The following TECR variants were observed in gnomAD, a reference collection of about 807,000 sequenced individuals.
TECR encodes the protein very-long-chain enoyl-CoA reductase.
A neutral mutation model predicts 50.6 loss-of-function variants in TECR; 19 were observed. The ratio of observed to expected loss-of-function variants is 0.38; its 90% CI spans 0.26 to 0.55. The LOEUF is 0.55. Among genes scored for constraint, TECR ranks in the 20% least tolerant of loss-of-function variants. The pLI, the probability that TECR is intolerant of heterozygous loss-of-function variation, is 0.79. For synonymous variants in TECR, 168 were observed against 163.5 expected, an observed-to-expected ratio of 1.03 and a Z score of -0.21; for missense variants, 313 against 408.3, an observed-to-expected ratio of 0.77 and a Z score of 2.01.
intron 1 of TECR, among the ~76,000 whole-genome samples, chr19:14,556,852 C>T (rs1209599299): frequency 6.6e-6 from 1 of 152,152 alleles, no homozygotes; most frequent in Non-Finnish European, 1.5e-5. Context: ...GCGTCGCAGC[C>T]TCCGCCGCTT....
At chr19:14,542,347 G>GGGTTTTTTTTTTT (rs2073124658) in intron 1 of TECR, among the ~76,000 whole-genome samples, 6 of 43,284 alleles carry the variant, frequency 1.4e-4, no homozygotes, top group African/African-American at 4.9e-4. Flanking sequence ...ATGCCATAGT[G>GGGTTTTTTTTTTT]TTTTTTTTTT....
chr19:14,532,828 G>A (rs1250683533), intron 1 of TECR, among the ~76,000 whole-genome samples: 1 of 152,134 alleles, frequency 6.6e-6, no homozygotes, highest in Non-Finnish European at 1.5e-5. Flanking sequence ...ATATATTTCT[G>A]GCCGGGCGAG....
intron 1 of TECR, among the ~76,000 whole-genome samples, chr19:14,538,556 T>TA (rs2072986781): frequency 1.4e-5 from 2 of 147,420 alleles, no homozygotes; most frequent in African/African-American, 5.0e-5. Flanking sequence ...TTTTTTGAGA[T>TA]AGAGTCTTCC....
At chr19:14,557,155 T>TTATC (rs2073759326) in intron 1 of TECR, among the ~76,000 whole-genome samples, 1 of 151,640 alleles carries the variant, frequency 6.6e-6, no homozygotes, top group South Asian at 2.1e-4. Context: ...ATTTATTTAT[T>TTATC]TTGAGACAGG....
chr19:14,529,611 G>C lies in TECR; in HGVS notation c.-86G>C, dbSNP rs747173264. On this transcript the variant is annotated 5_prime_UTR_variant, in exon 1 of 13. Transcript: ENST00000215567. ...AGAGCCGCGTTTAGTCTATCGCTGC[G>C]GTTGCGAGCGCTGTAGGGAGCCTGT... is the stretch of plus-strand genomic sequence containing the variant. 1 of 1,599,464 alleles carries C rather than the reference G, an allele frequency of 6.3e-7. No individual in the cohort carries two copies. The highest frequency in any genetic ancestry group is 8.6e-7 in the Non-Finnish European group (1 of 1,167,562).
In TECR at chr19:14,564,296, C is replaced by G. The variant is rs760951359; in HGVS notation, c.489+9C>G. ...TGCGCAACATCTTCAAGGTGAGAGC[C>G]CGTCCCCGCCTCACCCCTAAGCCCC... On this transcript the variant is annotated intron_variant, in intron 7 of 12. Transcript: ENST00000215567. 2.5e-6 allele frequency: 4 copies of G among 1,592,640 alleles called. No homozygotes were observed. Among genetic ancestry groups the G allele is most frequent in the Non-Finnish European group, 3.4e-6 (4 of 1,172,260 alleles).
chr19:14,551,394 G>T (rs1038757034), intron 1 of TECR, among the ~76,000 whole-genome samples: 2 of 152,104 alleles, frequency 1.3e-5, no homozygotes, highest in Non-Finnish European at 2.9e-5. Context: ...ATTTTGTGTA[G>T]AGAAGGAGTT....
At chr19:14,529,818 G>C in intron 1 of TECR, 107 bp downstream of exon 1, 1 of 1,533,150 alleles carries the variant, frequency 6.5e-7, no homozygotes, top group Non-Finnish European at 9.0e-7. Flanking sequence ...CGAAGGAAGA[G>C]CCAGACGGCG....
At chr19:14,540,128 C>T (rs1392179569) in intron 1 of TECR, among the ~76,000 whole-genome samples, 4 of 148,274 alleles carry the variant, frequency 2.7e-5, no homozygotes, top group Non-Finnish European at 3.0e-5. Context: ...GGCATGATCT[C>T]GGCTCACTGC....
chr19:14,560,058 C>A (rs1156794381), intron 1 of TECR, among the ~76,000 whole-genome samples: 5 of 152,194 alleles, frequency 3.3e-5, no homozygotes, highest in African/African-American at 1.2e-4. Context: ...CGTCTCCTCT[C>A]CTTGGGCCTC....
rs2073124658 is a variant in TECR, at chr19:14,542,347, G to GGTTTTTTTTT, written c.15+12636_15+12637insGTTTTTTTTT. Among the ~76,000 whole-genome samples, 177 of 43,298 alleles carry GGTTTTTTTTT rather than the reference G, an allele frequency of 4.1e-3. 7 individuals carry two copies. Among genetic ancestry groups the GGTTTTTTTTT allele is most frequent in the African/African-American group, 0.011 (132 of 12,322 alleles). The allele number at this position is 43,298 out of a possible 152,430, so 28.4% of individuals were successfully genotyped here. ...CCTCAGGGGGCCCTCATGCCATAGT[G>GGTTTTTTTTT]TTTTTTTTTTTTTTTTTTTTTTTTT... On this transcript the variant is annotated intron_variant, in intron 1 of 12. Coordinates refer to ENST00000215567, the MANE Select transcript of TECR (RefSeq NM_138501.6).
chr19:14,537,755 T>C (rs2146565330), intron 1 of TECR, among the ~76,000 whole-genome samples: 1 of 151,466 alleles, frequency 6.6e-6, no homozygotes, highest in Admixed American at 6.6e-5. Context: ...TTTTTTTTTT[T>C]TTTTTTTTGA....
chr19:14,549,275 C>T (rs910692327), intron 1 of TECR, among the ~76,000 whole-genome samples: 12 of 136,538 alleles, frequency 8.8e-5, no homozygotes, highest in South Asian at 4.9e-4. Flanking sequence ...TGCAGTGGTG[C>T]GATCTCAGCT....
chr19:14,534,423 CTTTTTTTTTTTTTTTT>C (rs756051119), intron 1 of TECR, among the ~76,000 whole-genome samples: 30 of 52,486 alleles, frequency 5.7e-4, no homozygotes, highest in African/African-American at 2.7e-3. Flanking sequence ...CATGCCTGGC[CTTTTTTTTTTTTTTTT>C]TTTTTTTTTT....
chr19:14,557,893 C>G (rs1337909661), intron 1 of TECR, among the ~76,000 whole-genome samples: 1 of 151,976 alleles, frequency 6.6e-6, no homozygotes, highest in Non-Finnish European at 1.5e-5. Flanking sequence ...GTAGCTGGGA[C>G]TACAGGCACC....
In TECR at chr19:14,563,972, C is replaced by T. The variant is rs752667095; in HGVS notation, c.268-10C>T. On this transcript the variant is annotated splice_polypyrimidine_tract_variant and intron_variant, in intron 5 of 12. Coordinates refer to ENST00000215567, the MANE Select transcript of TECR (RefSeq NM_138501.6). This position sits in a 1 kb window ranked among gnomAD's most constrained non-coding sequence, Gnocchi z 5.3. ...GTTGGGTGACTCATCTTGCCCCCCT[C>T]TACTCTCAGGTCTTCCTAACAGAGT... 6.2e-7 allele frequency: 1 copy of T among 1,613,994 alleles called. No individual in the cohort carries two copies. Among genetic ancestry groups the T allele is most frequent in the South Asian group, 1.1e-5 (1 of 91,090 alleles).
At chr19:14,559,040 C>T (rs936634306) in intron 1 of TECR, among the ~76,000 whole-genome samples, 9 of 152,078 alleles carry the variant, frequency 5.9e-5, no homozygotes, top group South Asian at 4.1e-4. Context: ...GTGTGGGGCG[C>T]GGAGCCCTCG....
chr19:14,537,273 G>A (rs2072936841), intron 1 of TECR, among the ~76,000 whole-genome samples: 1 of 141,070 alleles, frequency 7.1e-6, no homozygotes, highest in East Asian at 2.1e-4. Flanking sequence ...GGACCAGGGA[G>A]GGGGAGGCGG....
chr19:14,554,843 A>T (rs2073661920), intron 1 of TECR, among the ~76,000 whole-genome samples: 1 of 150,242 alleles, frequency 6.7e-6, no homozygotes, highest in South Asian at 2.1e-4. Flanking sequence ...CAGTGGCCTG[A>T]CCTCTGCTCA....
Sources: allele counts gnomAD v4.1 joint callset (sites outside exome capture counted in the v4.1 genomes callset), GRCh38; gene constraint gnomAD v4.1.1; non-coding constraint Gnocchi (gnomAD v3.1); transcripts MANE v1.5; gene names NCBI Gene and HGNC (gene_info 2026-07-23, HGNC 2026-07-21).